TENM3: variants seen among roughly 807,000 people sequenced by gnomAD.
The protein encoded by TENM3 is teneurin-3.
A neutral mutation model predicts 255.1 loss-of-function variants in TENM3; 63 were observed. The observed-to-expected ratio is 0.25, with a 90% CI of 0.20 to 0.30. TENM3 has a LOEUF of 0.30. TENM3 is among the 10% of genes least tolerant of loss of function. The pLI, the probability that TENM3 is intolerant of heterozygous loss-of-function variation, is 1.00. For missense variants in TENM3, 2,929 were observed against 3,461.1 expected, an observed-to-expected ratio of 0.85 and a Z score of 3.86; for synonymous variants, 1,306 against 1,322.3, an observed-to-expected ratio of 0.99 and a Z score of 0.27.
At chr4:182,071,506 C>T in the TENM3 span, among the ~76,000 whole-genome samples, 4 of 147,118 alleles carry the variant, frequency 2.7e-5, no homozygotes, top group African/African-American at 5.0e-5. Context: ...AGTGCAGTGG[C>T]GCGATCTCGG....
chr4:182,059,661 C>G, the TENM3 span, among the ~76,000 whole-genome samples: 2 of 145,120 alleles, frequency 1.4e-5, no homozygotes, highest in African/African-American at 5.1e-5. Context: ...GTAATCCCAA[C>G]ACTTTGGGAG....
At chr4:182,198,585 C>G (rs1276429939) in intron 1 of TENM3, among the ~76,000 whole-genome samples, 20 of 152,222 alleles carry the variant, frequency 1.3e-4, no homozygotes, top group Admixed American at 1.3e-3. Flanking sequence ...ACCTAAATTA[C>G]AAATGGCCCT....
chr4:181,675,173 C>A, the TENM3 span, among the ~76,000 whole-genome samples: 3,141 of 152,124 alleles, frequency 0.021, 49 homozygotes, highest in Admixed American at 0.033. Context: ...AATCAAAGAG[C>A]AGATAGAATG....
intron 3 of TENM3, among the ~76,000 whole-genome samples, chr4:182,585,992 G>A (rs548163020): frequency 6.6e-5 from 10 of 152,328 alleles, no homozygotes; most frequent in African/African-American, 2.2e-4. Context: ...AGTGGCTCAC[G>A]CCTGTAATCC....
chr4:181,912,574 C>T, the TENM3 span, among the ~76,000 whole-genome samples: 1 of 151,892 alleles, frequency 6.6e-6, no homozygotes. Context: ...GAGTGGATCA[C>T]TTGAGGTCAG....
At chr4:182,534,587 T>A (rs939282835) in intron 3 of TENM3, among the ~76,000 whole-genome samples, 1 of 152,232 alleles carries the variant, frequency 6.6e-6, no homozygotes, top group Non-Finnish European at 1.5e-5. Flanking sequence ...ATTTTATACA[T>A]TCTTCCCCAG....
intron 1 of TENM3, among the ~76,000 whole-genome samples, chr4:182,171,975 A>G (rs185921386): frequency 6.6e-6 from 1 of 151,422 alleles, no homozygotes; most frequent in East Asian, 2.0e-4. Context: ...ACTTCAAAAG[A>G]GGTCTTATGT....
chr4:181,836,777 G>A, the TENM3 span, among the ~76,000 whole-genome samples: 3 of 152,172 alleles, frequency 2.0e-5, no homozygotes, highest in Non-Finnish European at 4.4e-5. Context: ...CAGAATTAAT[G>A]TGTCAAGTTA....
chr4:182,612,633 TGC>T (rs1749122631), intron 4 of TENM3, among the ~76,000 whole-genome samples: 1 of 152,198 alleles, frequency 6.6e-6, no homozygotes, highest in Non-Finnish European at 1.5e-5. Flanking sequence ...ATATAGAGAC[TGC>T]GTAAATTTGG....
At position 182,800,502 on chromosome 4, in the gene TENM3, G is replaced by A. The variant is rs1389784787; in HGVS notation, c.*151G>A. 31 of 931,160 alleles carry A rather than the reference G, an allele frequency of 3.3e-5. No individual in the cohort carries two copies. The highest frequency in any genetic ancestry group is 4.5e-5 in the Non-Finnish European group (29 of 647,494). 57.7% of individuals were successfully genotyped at this position (931,160 alleles called of 1,614,324 possible). A position where few individuals can be genotyped will look rare whatever the true frequency, so the allele number is the denominator to read the frequency against. On this transcript the variant is annotated 3_prime_UTR_variant, in exon 28 of 28. Transcript: ENST00000511685. ...CACCCACACCGCGAAAACAAGGACC[G>A]CTTTTTTCCGAATGACCTTAAAGGT...
intron 12 of TENM3, among the ~76,000 whole-genome samples, chr4:182,694,948 T>TA (rs979131240): frequency 1.3e-5 from 2 of 152,196 alleles, no homozygotes; most frequent in African/African-American, 4.8e-5. Context: ...AATTTGAAAA[T>TA]AAAATGACCA....
chr4:182,111,389 C>T, the TENM3 span, among the ~76,000 whole-genome samples: 1 of 151,988 alleles, frequency 6.6e-6, no homozygotes, highest in Non-Finnish European at 1.5e-5. Flanking sequence ...GGATCATAGA[C>T]ATGATAAATC....
chr4:182,624,642 A>G (rs1193837236), intron 4 of TENM3, among the ~76,000 whole-genome samples: 1 of 152,024 alleles, frequency 6.6e-6, no homozygotes, highest in Non-Finnish European at 1.5e-5. Context: ...TTCTCCCCTC[A>G]CACCATTTTT....
chr4:182,559,839 C>G (rs540093461), intron 3 of TENM3, among the ~76,000 whole-genome samples: 2 of 151,822 alleles, frequency 1.3e-5, no homozygotes, highest in African/African-American at 4.8e-5. Flanking sequence ...TGAATAAGAT[C>G]TAGTATTTGA....
the TENM3 span, among the ~76,000 whole-genome samples, chr4:182,111,189 C>T: frequency 5.6e-4 from 45 of 80,544 alleles, no homozygotes; most frequent in Non-Finnish European, 6.7e-4. Context: ...GTCTTCTTCT[C>T]TTTTTTTTTT....
intron 3 of TENM3, among the ~76,000 whole-genome samples, chr4:182,453,300 T>C (rs1773618818): frequency 6.6e-6 from 1 of 152,196 alleles, no homozygotes; most frequent in Non-Finnish European, 1.5e-5. Context: ...AGATGTTATG[T>C]TGGTACGATG....
chr4:181,982,785 T>TA, the TENM3 span, among the ~76,000 whole-genome samples: 153 of 152,286 alleles, frequency 1.0e-3, 1 homozygote, highest in African/African-American at 3.6e-3. Flanking sequence ...TTCTTTCATT[T>TA]AAAAAATATG....
rs984147693 is a variant in TENM3 at position 182,800,195 on chromosome 4, C to G, written c.7944C>G (p.Arg2648=). 2 of 1,584,390 alleles carry G rather than the reference C, an allele frequency of 1.3e-6. No homozygotes were observed. Among genetic ancestry groups the G allele is most frequent in the Middle Eastern group, 1.7e-4 (1 of 5,998 alleles). ...TGCGCGACGGCGAGGAGGGCGCGCG[C>G]CTCTGGACGGAGGGCGAGAAGCGGC... ...QRVRDGEEGA[R]LWTEGEKRQL... Residue 2648 remains arginine (R), a synonymous_variant, in exon 28 of 28, where the codon CGC becomes CGG. Transcript: ENST00000511685.
At chr4:181,873,107 G>A in the TENM3 span, among the ~76,000 whole-genome samples, 27 of 151,146 alleles carry the variant, frequency 1.8e-4, no homozygotes, top group South Asian at 4.2e-4. Context: ...TCGCTTTGTC[G>A]CCCAGGCTGG....
Sources: gnomAD v4.1 joint callset for allele counts (sites outside exome capture counted in the v4.1 genomes callset) on GRCh38, gnomAD v4.1.1 for gene constraint, MANE v1.5 for transcripts, NCBI Gene and HGNC (gene_info 2026-07-23, HGNC 2026-07-21) for gene names.